The following TNRC6B variants were observed in gnomAD, a reference collection of about 807,000 sequenced individuals.
TNRC6B encodes the protein trinucleotide repeat-containing gene 6B protein.
A neutral mutation model predicts 203.6 loss-of-function variants in TNRC6B; 52 were observed. The ratio of observed to expected loss-of-function variants is 0.26; its 90% confidence interval spans 0.20 to 0.32. TNRC6B has a LOEUF of 0.32. Among genes scored for constraint, TNRC6B ranks in the 10% least tolerant of loss-of-function variants. The pLI is 1.00. For synonymous variants in TNRC6B, 838 were observed against 845.7 expected (o/e 0.99, Z 0.16); for missense variants, 1,923 against 2,286.2 (o/e 0.84, Z 3.24).
intron 5 of TNRC6B, among the ~76,000 whole-genome samples, 180 bp downstream of exon 5, chr22:40,267,216 C>G (rs1258155200): frequency 6.6e-6 from 1 of 152,198 alleles, no homozygotes; most frequent in African/African-American, 2.4e-5. Flanking sequence ...GCTGGTAGTA[C>G]ATTTTAATGT....
chr22:40,088,584 T>TTGTGTGTGTGTGTGTGTGTGTG, intron 1 of TNRC6B, among the ~76,000 whole-genome samples: 2 of 125,228 alleles, frequency 1.6e-5, no homozygotes, highest in Middle Eastern at 3.8e-3. Flanking sequence ...GCGGCTACTT[T>TTGTGTGTGTGTGTGTGTGTGTG]TGTGTGTGTG....
At chr22:40,125,651 T>C in intron 2 of TNRC6B, 1 of 610,410 alleles carries the variant, frequency 1.6e-6, no homozygotes, top group Non-Finnish European at 2.8e-6. Context: ...ACACACAAAG[T>C]TACTCAAAGT....
In TNRC6B at chr22:40,266,557, G is replaced by T; in HGVS notation, c.2327G>T (p.Gly776Val). ...CCTGTGTCTGGGTGGGGTGAAGGAG[G>T]GCAGAATGAAATCGGGACTTGGGGT... is the stretch of plus-strand genomic sequence containing the variant. ...SKPVSGWGEGGQNEIGTWGNG... is the reference protein window; with the variant it reads ...SKPVSGWGEGVQNEIGTWGNG... Residue 776 changes from glycine to valine, a missense_variant, in exon 5 of 23, where the codon GGG becomes GTG. This residue lies in a region of TNRC6B where 599 missense variants were observed against 656.5 expected (regional missense o/e 0.91). Transcript: ENST00000454349. 1.2e-6 allele frequency: 2 copies of T among 1,613,676 alleles called. No individual in the cohort carries two copies. The highest frequency in any genetic ancestry group is 1.7e-6 in the Non-Finnish European group (2 of 1,179,740).
At chr22:40,219,595 T>C (rs763435859) in intron 1 of TNRC6B, among the ~76,000 whole-genome samples, 3 of 152,152 alleles carry the variant, frequency 2.0e-5, no homozygotes, top group Non-Finnish European at 2.9e-5. Flanking sequence ...GCTGAGGAAA[T>C]TGGTGTCCGT....
intron 2 of TNRC6B, among the ~76,000 whole-genome samples, chr22:40,123,894 CTTTTT>C (rs58632540): frequency 7.4e-6 from 1 of 135,902 alleles, no homozygotes. Context: ...AGAAAGAGAA[CTTTTT>C]TTTTTTTTTT....
chr22:40,224,360 AT>A (rs1478814771), intron 1 of TNRC6B, among the ~76,000 whole-genome samples: 1 of 152,172 alleles, frequency 6.6e-6, no homozygotes, highest in Non-Finnish European at 1.5e-5. Flanking sequence ...GTTGATCTAT[AT>A]CTTAGGAGGC....
intron 1 of TNRC6B, among the ~76,000 whole-genome samples, chr22:40,109,045 G>C (rs1216178765): frequency 1.4e-5 from 2 of 147,736 alleles, no homozygotes; most frequent in Non-Finnish European, 3.0e-5. Context: ...TTGATTTTCT[G>C]TTCCTGCATT....
chr22:40,264,948 G>C lies in TNRC6B; in HGVS notation c.718G>C (p.Gly240Arg). The C allele has an allele frequency of 6.2e-7, 1 of 1,613,946 alleles. No individual in the cohort carries two copies. The highest frequency in any genetic ancestry group is 8.5e-7 in the Non-Finnish European group (1 of 1,179,882). ...GCCAGGAAGCACCACTAGTAACAAA[G>C]GAAAAGGGAGCCAGTGCCAGTCTGC... ...TLPGSTTSNK[G>R]KGSQCQSASS... is the part of the protein sequence containing the mutation. The change falls in exon 5 of 23, where the codon GGA (glycine) becomes CGA (arginine). Residue 240 changes from glycine (G) to arginine (R), a missense_variant. Transcript: ENST00000454349.
chr22:40,319,956 T>C (rs1193284684), intron 21 of TNRC6B, among the ~76,000 whole-genome samples: 1 of 152,200 alleles, frequency 6.6e-6, no homozygotes, highest in Non-Finnish European at 1.5e-5. Context: ...CTAAAAAGTC[T>C]GTTGTGGCAT....
intron 1 of TNRC6B, among the ~76,000 whole-genome samples, chr22:40,095,562 AT>A (rs1300620729): frequency 6.6e-6 from 1 of 151,934 alleles, no homozygotes; most frequent in African/African-American, 2.4e-5. Context: ...TATTACCACA[AT>A]TGCCATGATT....
chr22:40,221,717 G>T (rs532052190), intron 1 of TNRC6B, among the ~76,000 whole-genome samples: 4 of 151,086 alleles, frequency 2.6e-5, no homozygotes, highest in African/African-American at 9.7e-5. Flanking sequence ...GGGATTACAG[G>T]TGTGAGCCAC....
intron 1 of TNRC6B, among the ~76,000 whole-genome samples, chr22:40,049,270 T>TC (rs1220097579): frequency 1.3e-5 from 2 of 151,870 alleles, no homozygotes; most frequent in Non-Finnish European, 2.9e-5. Context: ...GGTCTCAAAC[T>TC]CCCACCTCAG....
chr22:40,088,922 CCTCA>C (rs1332097158), intron 1 of TNRC6B, among the ~76,000 whole-genome samples: 1 of 151,996 alleles, frequency 6.6e-6, no homozygotes, highest in Non-Finnish European at 1.5e-5. Flanking sequence ...AAATTTTAAA[CCTCA>C]CTAATTCGAA....
intron 21 of TNRC6B, among the ~76,000 whole-genome samples, chr22:40,319,744 T>A (rs1350139641): frequency 6.6e-6 from 1 of 152,144 alleles, no homozygotes; most frequent in African/African-American, 2.4e-5. Flanking sequence ...TTTAGTCTCT[T>A]ACTGTGCCTA....
At chr22:40,148,533 T>G (rs556650703) in intron 3 of TNRC6B, among the ~76,000 whole-genome samples, 1 of 152,128 alleles carries the variant, frequency 6.6e-6, no homozygotes, top group Non-Finnish European at 1.5e-5. Flanking sequence ...CTGCCCGCCT[T>G]GCCCCCCACA....
chr22:40,093,592 C>T (rs1490643223), intron 1 of TNRC6B, among the ~76,000 whole-genome samples: 2 of 152,102 alleles, frequency 1.3e-5, no homozygotes, highest in Admixed American at 6.5e-5. Flanking sequence ...GACAATTCAT[C>T]GTCAAAGTGC....
intron 6 of TNRC6B, among the ~76,000 whole-genome samples, chr22:40,271,753 A>G (rs893850773): frequency 6.6e-6 from 1 of 152,198 alleles, no homozygotes; most frequent in African/African-American, 2.4e-5. Flanking sequence ...CTCAGATTCT[A>G]AAAATGTCTT....
intron 1 of TNRC6B, among the ~76,000 whole-genome samples, chr22:40,180,790 GC>G (rs1229339135): frequency 6.6e-6 from 1 of 152,240 alleles, no homozygotes; most frequent in East Asian, 1.9e-4. Context: ...ATCCAGGGGT[GC>G]TGGAACTTGC....
intron 1 of TNRC6B, chr22:40,106,864 A>T (rs2068287852): frequency 1.9e-6 from 2 of 1,029,912 alleles, no homozygotes; most frequent in East Asian, 4.7e-5. Flanking sequence ...TTCGAATTTC[A>T]GTTCTGTCCA....
Sources: gnomAD v4.1 joint callset for allele counts (sites outside exome capture counted in the v4.1 genomes callset) on GRCh38, gnomAD v4.1.1 for gene constraint, gnomAD v4.1.1 regional missense constraint, MANE v1.5 for transcripts, NCBI Gene and HGNC (gene_info 2026-07-23, HGNC 2026-07-21) for gene names.